Variants in BICD1 observed in about 807,000 individuals in gnomAD.
The protein encoded by BICD1 is BICD cargo adaptor 1.
Under a neutral mutation model 92.5 loss-of-function variants are expected in BICD1, and 35 were observed. That is an observed-to-expected ratio of 0.38 (90% CI 0.29 to 0.50). The LOEUF (loss-of-function observed/expected upper bound fraction) is 0.50. BICD1 is among the 20% of genes least tolerant of loss of function. The pLI, the probability that BICD1 is intolerant of heterozygous loss-of-function variation, is 0.93. For missense variants in BICD1, 950 were observed against 1,189.8 expected (o/e 0.80, Z 2.97); for synonymous variants, 429 against 465.1 (o/e 0.92, Z 1.00).
intron 4 of BICD1, among the ~76,000 whole-genome samples, chr12:32,324,730 C>T (rs1456338485): frequency 2.0e-5 from 3 of 152,048 alleles, no homozygotes; most frequent in Admixed American, 6.5e-5. Context: ...TGCGTGCCAC[C>T]TTGCCCGGCT....
At chr12:32,250,407 A>G (rs146567858) in intron 2 of BICD1, among the ~76,000 whole-genome samples, 3 of 152,192 alleles carry the variant, frequency 2.0e-5, no homozygotes, top group African/African-American at 4.8e-5. Flanking sequence ...TAAACATTGT[A>G]TATTTTTATT....
chr12:32,278,562 T>G (rs792864), intron 2 of BICD1, among the ~76,000 whole-genome samples: 4 of 151,998 alleles, frequency 2.6e-5, no homozygotes. Flanking sequence ...CTAATAAAAA[T>G]TAACTAGCAG....
At chr12:32,112,755 T>G (rs1309789953) in intron 1 of BICD1, among the ~76,000 whole-genome samples, 1 of 152,116 alleles carries the variant, frequency 6.6e-6, no homozygotes, top group Admixed American at 6.5e-5. Flanking sequence ...GTGGAGCCAT[T>G]GAAAATAAAT....
At chr12:32,116,510 C>CTCTCTCTCTA (rs1233964108) in intron 1 of BICD1, among the ~76,000 whole-genome samples, 3 of 104,374 alleles carry the variant, frequency 2.9e-5, no homozygotes, top group African/African-American at 7.7e-5. Flanking sequence ...CTCTCTCTCT[C>CTCTCTCTCTA]TATATATATA....
intron 2 of BICD1, among the ~76,000 whole-genome samples, chr12:32,225,718 T>C (rs1945669035): frequency 6.9e-6 from 1 of 145,526 alleles, no homozygotes. Flanking sequence ...CCTTCCGGGT[T>C]CAAGTGATTT....
At chr12:32,348,382 A>T (rs1187082282) in intron 8 of BICD1, among the ~76,000 whole-genome samples, 1 of 152,176 alleles carries the variant, frequency 6.6e-6, no homozygotes, top group Non-Finnish European at 1.5e-5. Context: ...TTAAAATTTT[A>T]TTAAATCCAT....
chr12:32,182,182 T>G (rs1029028927), intron 1 of BICD1, among the ~76,000 whole-genome samples: 3 of 151,886 alleles, frequency 2.0e-5, no homozygotes, highest in Non-Finnish European at 4.4e-5. Flanking sequence ...AATGTATCCT[T>G]TTGGTTTTAT....
rs1033604009 is a variant in BICD1 at position 32,329,095 on chromosome 12, T to C, written c.2100+540T>C. Among the ~76,000 whole-genome samples, 18 of 141,618 alleles carry C rather than the reference T, an allele frequency of 1.3e-4. 1 individual carries two copies. The highest frequency in any genetic ancestry group is 6.2e-5 in the Non-Finnish European group (4 of 64,262). The allele number at this position is 141,618 out of a possible 152,430, so 92.9% of individuals were successfully genotyped here. A position where few individuals can be genotyped will look rare whatever the true frequency, so the allele number is the denominator to read the frequency against. On this transcript the variant is annotated intron_variant, in intron 5 of 9. Transcript: ENST00000652176. ...ATTTCTAGGAGTATAGCAAAATTAT[T>C]ATTATTATTATTTTTTATTTTTGTT... is the stretch of plus-strand genomic sequence containing the variant.
chr12:32,113,008 C>T (rs1941755345), intron 1 of BICD1, among the ~76,000 whole-genome samples: 1 of 152,110 alleles, frequency 6.6e-6, no homozygotes, highest in South Asian at 2.1e-4. Context: ...GGTCTCTTCC[C>T]AGGGCCACAA....
At chr12:32,141,008 G>C (rs1262420763) in intron 1 of BICD1, among the ~76,000 whole-genome samples, 1 of 152,192 alleles carries the variant, frequency 6.6e-6, no homozygotes, top group African/African-American at 2.4e-5. Context: ...CTTTGTACTA[G>C]TTCCATTCTA....
At chr12:32,238,556 C>T (rs779010571) in intron 2 of BICD1, among the ~76,000 whole-genome samples, 8 of 152,142 alleles carry the variant, frequency 5.3e-5, no homozygotes, top group Non-Finnish European at 8.8e-5. Context: ...GAAGTTGTAC[C>T]ATGAGTAAAA....
chr12:32,220,255 A>T (rs1945476006), intron 2 of BICD1, among the ~76,000 whole-genome samples: 1 of 152,168 alleles, frequency 6.6e-6, no homozygotes, highest in Non-Finnish European at 1.5e-5. Context: ...GATCTAATTA[A>T]ACTAAAGAGC....
At chr12:32,375,299 T>C (rs35919769) in intron 9 of BICD1, among the ~76,000 whole-genome samples, 9,809 of 151,698 alleles carry the variant, frequency 0.065, 441 homozygotes, top group Middle Eastern at 0.15. Context: ...GAGGCCGAGG[T>C]GGGCAGATCA....
intron 8 of BICD1, among the ~76,000 whole-genome samples, chr12:32,357,032 A>G (rs1209961502): frequency 3.7e-5 from 2 of 54,302 alleles, no homozygotes; most frequent in Admixed American, 2.1e-4. Context: ...TTTTTTTTTG[A>G]TGGAGTTTCG....
chr12:32,140,072 T>G (rs973658124), intron 1 of BICD1, among the ~76,000 whole-genome samples: 16 of 152,046 alleles, frequency 1.1e-4, no homozygotes, highest in Middle Eastern at 6.8e-3. Flanking sequence ...CCGGCAGGAG[T>G]TCCTGTTTTG....
intron 2 of BICD1, among the ~76,000 whole-genome samples, chr12:32,225,659 T>A (rs1436931971): frequency 8.8e-6 from 1 of 113,016 alleles, no homozygotes; most frequent in African/African-American, 3.1e-5. Context: ...GTTTTGCTCT[T>A]GTCCAGGCTG....
intron 1 of BICD1, among the ~76,000 whole-genome samples, chr12:32,168,007 C>CGTGTGTGT (rs10568100): frequency 0.095 from 14,217 of 149,808 alleles, 903 homozygotes; most frequent in East Asian, 0.27. Flanking sequence ...AAGGAGATGG[C>CGTGTGTGT]GTGTGTGTGT....
intron 1 of BICD1, among the ~76,000 whole-genome samples, chr12:32,132,281 T>A (rs1037657319): frequency 6.6e-6 from 1 of 151,936 alleles, no homozygotes; most frequent in Admixed American, 6.6e-5. Flanking sequence ...CTGGGTGTGG[T>A]GGCAGGCGCT....
chr12:32,186,761 T>C (rs965555299), intron 1 of BICD1, among the ~76,000 whole-genome samples: 24 of 152,212 alleles, frequency 1.6e-4, no homozygotes, highest in Admixed American at 1.2e-3. Context: ...GTGTGTGAGA[T>C]GTGACTTGAC....
Sources: allele counts gnomAD v4.1 joint callset (sites outside exome capture counted in the v4.1 genomes callset), GRCh38; gene constraint gnomAD v4.1.1; transcripts MANE v1.5; gene names NCBI Gene and HGNC (gene_info 2026-07-23, HGNC 2026-07-21).